EPCAM: variants seen among roughly 807,000 people sequenced by gnomAD.
EPCAM encodes the protein epithelial cell adhesion molecule.
EPCAM carries 39 observed loss-of-function variants against 40.0 expected under a neutral mutation model. The observed-to-expected ratio is 0.98, with a 90% CI of 0.76 to 1.27. The LOEUF is 1.27. EPCAM is among the 50% of genes most tolerant of loss of function. The pLI, the probability that EPCAM is intolerant of heterozygous loss-of-function variation, is 0.00. For synonymous variants in EPCAM, 168 were observed against 132.3 expected (o/e 1.27, Z -1.85); for missense variants, 503 against 381.2 (o/e 1.32, Z -2.66).
intron 5 of EPCAM, among the ~76,000 whole-genome samples, chr2:47,378,078 C>A (rs924558942): frequency 1.3e-5 from 2 of 151,942 alleles, no homozygotes; most frequent in African/African-American, 4.8e-5. Flanking sequence ...TAAAAACATA[C>A]AAAATAGCCG....
At position 47,369,381 on chromosome 2, in the gene EPCAM, C is replaced by G. The variant is rs991444746; in HGVS notation, c.-125C>G. The G allele has an allele frequency of 8.4e-7, 1 of 1,193,734 alleles. No individual in the cohort carries two copies. The highest frequency in any genetic ancestry group is 1.1e-6 in the Non-Finnish European group (1 of 915,216). 73.9% of individuals were successfully genotyped at this position (1,193,734 alleles called of 1,614,324 possible). On this transcript the variant is annotated 5_prime_UTR_variant, in exon 1 of 9. Coordinates refer to ENST00000263735, the MANE Select transcript of EPCAM (RefSeq NM_002354.3). ...GGGGACCCCCTCGTCGCTGTCCTCC[C>G]GACGCGGACCCGCGTGCCCCAGGCC...
At chr2:47,377,146 G>T in intron 5 of EPCAM, 69 bp downstream of exon 5, 1 of 1,054,970 alleles carries the variant, frequency 9.5e-7, no homozygotes. Context: ...TATAAGGACA[G>T]CCAGTGATTT....
At chr2:47,370,771 C>A (rs748291798) in intron 1 of EPCAM, among the ~76,000 whole-genome samples, 2 of 151,958 alleles carry the variant, frequency 1.3e-5, no homozygotes, top group African/African-American at 4.8e-5. Flanking sequence ...GCTCTTGTTG[C>A]CCAGGCTGGA....
chr2:47,386,025 T>A (rs1671735624), intron 8 of EPCAM, among the ~76,000 whole-genome samples: 1 of 152,204 alleles, frequency 6.6e-6, no homozygotes, highest in Non-Finnish European at 1.5e-5. Context: ...TAAGCCTCCA[T>A]GTTTCCTCAT....
At chr2:47,376,944 A>G (rs1350311571) in intron 4 of EPCAM, 70 bp from the exon 5 acceptor site, 2 of 1,039,034 alleles carry the variant, frequency 1.9e-6, no homozygotes, top group Non-Finnish European at 3.0e-6. Flanking sequence ...TGTCTGCTTA[A>G]AGAGTAGTGC....
intron 1 of EPCAM, 65 bp from the exon 2 acceptor site, chr2:47,373,398 C>G (rs1671332213): frequency 4.0e-6 from 4 of 995,056 alleles, no homozygotes; most frequent in South Asian, 1.4e-5. Context: ...TACAATATAA[C>G]TTAGCTGGGA....
intron 3 of EPCAM, among the ~76,000 whole-genome samples, chr2:47,374,527 A>T (rs1671370250): frequency 6.6e-6 from 1 of 152,326 alleles, no homozygotes; most frequent in African/African-American, 2.4e-5. Flanking sequence ...AAGGGACTAG[A>T]AACTGGAAAG....
At chr2:47,370,840 C>T (rs772315156) in intron 1 of EPCAM, among the ~76,000 whole-genome samples, 4 of 151,960 alleles carry the variant, frequency 2.6e-5, no homozygotes, top group Non-Finnish European at 5.9e-5. Flanking sequence ...CTCAGCCTCC[C>T]GAGTAGCTGG....
chr2:47,372,610 A>G (rs1008335817), intron 1 of EPCAM, among the ~76,000 whole-genome samples: 5 of 152,098 alleles, frequency 3.3e-5, no homozygotes, highest in Admixed American at 6.6e-5. Context: ...CGTCTCTACT[A>G]AAAATACAAA....
chr2:47,374,955 T>C (rs1573394828), intron 3 of EPCAM, among the ~76,000 whole-genome samples: 1 of 152,180 alleles, frequency 6.6e-6, no homozygotes, highest in South Asian at 2.1e-4. Flanking sequence ...CCTTTTCATC[T>C]TTTTAGTTGA....
At chr2:47,371,898 A>G (rs772721558) in intron 1 of EPCAM, among the ~76,000 whole-genome samples, 1 of 152,230 alleles carries the variant, frequency 6.6e-6, no homozygotes, top group African/African-American at 2.4e-5. Context: ...AAGGATCAAT[A>G]TAAAAACTCT....
At position 47,374,015 on chromosome 2, in the gene EPCAM, C is replaced by T. The variant is rs748892317; in HGVS notation, c.392C>T (p.Thr131Ile). 3 of 1,614,056 alleles carry T rather than the reference C, an allele frequency of 1.9e-6. No homozygotes were observed. Among genetic ancestry groups the T allele is most frequent in the African/African-American group, 2.7e-5 (2 of 74,928 alleles). Residue 131 changes from threonine (T) to isoleucine (I), a missense_variant, in exon 3 of 9, where the codon ACT becomes ATT. Transcript: ENST00000263735. ...TAGVRRTDKD[T>I]EITCSERVRT... ...GGGGTCAGAAGAACAGACAAGGACA[C>T]TGAAATAACCTGCTCTGAGCGAGTG...
chr2:47,375,306 G>A lies in EPCAM; in HGVS notation c.491+7G>A, dbSNP rs2103750225. Reference sequence around the variant, plus strand: ...ATAGTAAAAGTTTGCGGACGTAAGTGCAATTAAATGCATCATATTCTTGCA... The same window carrying A: ...ATAGTAAAAGTTTGCGGACGTAAGTACAATTAAATGCATCATATTCTTGCA... On this transcript the variant is annotated splice_region_variant and intron_variant, in intron 4 of 8. Transcript: ENST00000263735. 6.3e-7 allele frequency: 1 copy of A among 1,580,226 alleles called. No homozygotes were observed. Among genetic ancestry groups the A allele is most frequent in the Non-Finnish European group, 8.7e-7 (1 of 1,149,180 alleles).
At chr2:47,380,782 G>T (rs1016939681) in intron 7 of EPCAM, among the ~76,000 whole-genome samples, 3 of 152,070 alleles carry the variant, frequency 2.0e-5, no homozygotes, top group African/African-American at 7.2e-5. Context: ...AGGATGCTTC[G>T]GTATCAAGAA....
chr2:47,380,482 T>G (rs1288978643), intron 7 of EPCAM, among the ~76,000 whole-genome samples: 1 of 152,182 alleles, frequency 6.6e-6, no homozygotes, highest in Non-Finnish European at 1.5e-5. Flanking sequence ...ATGCTAATAT[T>G]AAAAAGCTTG....
intron 1 of EPCAM, among the ~76,000 whole-genome samples, chr2:47,370,504 T>C (rs903432731): frequency 1.3e-5 from 2 of 151,974 alleles, no homozygotes; most frequent in African/African-American, 4.8e-5. Context: ...CTCTAACTCC[T>C]GAGCTCGTGA....
chr2:47,386,887 A>G lies in EPCAM; in HGVS notation c.*274A>G, dbSNP rs1671757158. The G allele has an allele frequency of 1.2e-5, 4 of 321,718 alleles. No individual in the cohort carries two copies. The highest frequency in any genetic ancestry group is 2.3e-5 in the Non-Finnish European group (4 of 175,286). 19.9% of individuals were successfully genotyped at this position (321,718 alleles called of 1,614,324 possible). ...AAAATTATTTATGTGTAACATTCAA[A>G]TGTGTGCATTAAATATGCTTCCACA... is the stretch of plus-strand genomic sequence containing the variant. On this transcript the variant is annotated 3_prime_UTR_variant, in exon 9 of 9. Coordinates refer to ENST00000263735, the MANE Select transcript of EPCAM (RefSeq NM_002354.3).
rs914373164 is a variant in EPCAM at position 47,374,197 on chromosome 2, T to G, written c.425+149T>G. 4 of 881,398 alleles carry G rather than the reference T, an allele frequency of 4.5e-6. No homozygotes were observed. In the Admixed American group the frequency reaches 6.2e-5, roughly 14 times the overall value. 54.6% of individuals were successfully genotyped at this position (881,398 alleles called of 1,614,324 possible). A position where few individuals can be genotyped will look rare whatever the true frequency, so the allele number is the denominator to read the frequency against. ...AGCTTCCTTCTCATTCCAGTCCCCC[T>G]CGCTACCCATTGGACCTCCACAGAA... is the stretch of plus-strand genomic sequence containing the variant. On this transcript the variant is annotated intron_variant, in intron 3 of 8. Transcript: ENST00000263735.
chr2:47,375,707 A>T (rs958915227), intron 4 of EPCAM, among the ~76,000 whole-genome samples: 8 of 143,580 alleles, frequency 5.6e-5, no homozygotes, highest in East Asian at 2.0e-4. Flanking sequence ...TTTAGGAAAA[A>T]TTTTTTTTTT....
Sources: allele counts gnomAD v4.1 joint callset (sites outside exome capture counted in the v4.1 genomes callset), GRCh38; gene constraint gnomAD v4.1.1; transcripts MANE v1.5; gene names NCBI Gene and HGNC (gene_info 2026-07-23, HGNC 2026-07-21).